SANBR: variants seen among roughly 807,000 people sequenced by gnomAD.
The protein encoded by SANBR is SANT and BTB domain regulator of class switch recombination.
Under a neutral mutation model 101.8 loss-of-function variants are expected in SANBR, and 77 were observed. The ratio of observed to expected loss-of-function variants is 0.76; its 90% CI spans 0.63 to 0.91. The LOEUF (loss-of-function observed/expected upper bound fraction) is 0.91. Among genes scored for constraint, SANBR ranks in the 40% least tolerant of loss-of-function variants. The pLI is 0.00. For synonymous variants in SANBR, 279 were observed against 274.7 expected (o/e 1.02, Z -0.15); for missense variants, 875 against 853.0 (o/e 1.03, Z -0.32).
Position 61,123,050 on chromosome 2 carries a change from G to T in SANBR, c.*888G>T, listed in dbSNP as rs998865565. The T allele has an allele frequency of 4.1e-6, 4 of 974,342 alleles. No individual in the cohort carries two copies. Among genetic ancestry groups the T allele is most frequent in the African/African-American group, 1.8e-5 (1 of 56,978 alleles). The allele number at this position is 974,342 out of a possible 1,614,324, so 60.4% of individuals were successfully genotyped here. On this transcript the variant is annotated 3_prime_UTR_variant, in exon 22 of 22. Coordinates refer to ENST00000402291, the MANE Select transcript of SANBR (RefSeq NM_001129993.3). ...GGTCTAAAATTTTCCAAATACATTA[G>T]ATAGGTGAAAATTTGCATATATTCA... is the stretch of plus-strand genomic sequence containing the variant.
chr2:61,088,884 G>A, intron 10 of SANBR: 1 of 926,658 alleles, frequency 1.1e-6, no homozygotes, highest in African/African-American at 1.8e-5. Context: ...ATAAGGAATG[G>A]GATAACATCT....
downstream of SANBR, among the ~76,000 whole-genome samples, chr2:61,124,519 G>A (rs1289588845): frequency 2.0e-5 from 3 of 151,880 alleles, no homozygotes; most frequent in Admixed American, 2.0e-4. Flanking sequence ...GGGCAACATA[G>A]TGAGACCTCG....
chr2:61,108,365 C>T lies in SANBR; in HGVS notation c.1644+16C>T, dbSNP rs893728214. 2.6e-6 allele frequency: 4 copies of T among 1,516,162 alleles called. No homozygotes were observed. Among genetic ancestry groups the T allele is most frequent in the Admixed American group, 3.8e-5 (2 of 53,118 alleles). The allele number at this position is 1,516,162 out of a possible 1,614,324, so 93.9% of individuals were successfully genotyped here. ...TCTACAACTGGTAAGTGAGCAATTA[C>T]AGTTAGCATTCATGGATCTCTTTCT... On this transcript the variant is annotated intron_variant, in intron 15 of 21. Coordinates refer to ENST00000402291, the MANE Select transcript of SANBR (RefSeq NM_001129993.3).
intron 13 of SANBR, among the ~76,000 whole-genome samples, chr2:61,105,197 A>G (rs543800426): frequency 6.6e-6 from 1 of 152,020 alleles, no homozygotes. Context: ...CCTGGCCAAC[A>G]TGGTGAAACC....
chr2:61,093,370 T>C (rs1382966369), intron 11 of SANBR: 1 of 152,110 alleles, frequency 6.6e-6, no homozygotes, highest in Non-Finnish European at 1.5e-5. Flanking sequence ...TTGAGGCAGG[T>C]GGATCACCTG....
intron 20 of SANBR, among the ~76,000 whole-genome samples, chr2:61,120,413 T>C (rs926307692): frequency 1.3e-5 from 2 of 152,054 alleles, no homozygotes; most frequent in Admixed American, 1.3e-4. Context: ...GGCAGGAGAA[T>C]CACTTGAACC....
At chr2:61,106,731 A>G in intron 14 of SANBR, 69 bp downstream of exon 14, 2 of 962,250 alleles carry the variant, frequency 2.1e-6, no homozygotes, top group Non-Finnish European at 3.1e-6. Context: ...TTTGACAGGA[A>G]CCTGATCAGT....
intron 6 of SANBR, among the ~76,000 whole-genome samples, chr2:61,079,472 A>G (rs955353998): frequency 2.0e-5 from 3 of 152,186 alleles, no homozygotes; most frequent in African/African-American, 7.2e-5. Context: ...TTTTTAAAAA[A>G]CTTAATAATT....
At chr2:61,096,655 C>T (rs1683046438) in intron 11 of SANBR, among the ~76,000 whole-genome samples, 1 of 152,026 alleles carries the variant, frequency 6.6e-6, no homozygotes, top group Admixed American at 6.6e-5. Context: ...TTTAAGCAGT[C>T]CTTCTGCCTC....
chr2:61,111,279 G>A (rs1683819108), intron 16 of SANBR, among the ~76,000 whole-genome samples: 1 of 152,178 alleles, frequency 6.6e-6, no homozygotes, highest in South Asian at 2.1e-4. Context: ...TGTAGTCCCA[G>A]CTACTCGGGA....
intron 7 of SANBR, among the ~76,000 whole-genome samples, chr2:61,081,794 G>A (rs928234496): frequency 2.6e-5 from 4 of 152,100 alleles, no homozygotes; most frequent in Non-Finnish European, 2.9e-5. Flanking sequence ...GACTACAGGC[G>A]CATGCCACTA....
At chr2:61,116,466 A>T (rs147087933) in intron 17 of SANBR, among the ~76,000 whole-genome samples, 1 of 152,268 alleles carries the variant, frequency 6.6e-6, no homozygotes, top group Non-Finnish European at 1.5e-5. Context: ...TTTTAAACCA[A>T]TATTATTTAT....
intron 20 of SANBR, among the ~76,000 whole-genome samples, chr2:61,129,767 T>C (rs2104988337): frequency 6.6e-6 from 1 of 152,166 alleles, no homozygotes; most frequent in South Asian, 2.1e-4. Flanking sequence ...AATATGTATT[T>C]ATAGGCTAAT....
intron 12 of SANBR, among the ~76,000 whole-genome samples, chr2:61,103,137 C>CTT (rs398060223): frequency 4.2e-4 from 57 of 134,946 alleles, no homozygotes; most frequent in Middle Eastern, 7.6e-3. Context: ...ATTTTTCTTT[C>CTT]TTTTTTTTTT....
rs185868252 is a variant in SANBR at position 61,135,098 on chromosome 2, G to A, written c.*44+822G>A. On this transcript the variant is annotated intron_variant, in intron 21 of 21. Coordinates refer to the SANBR transcript ENST00000295031. ...CCAGCTACTCAGGAAGCTGAAGCAC[G>A]AAAATCTCCTGAACTCGGGAAGGCG... Among the ~76,000 whole-genome samples, 70 of 152,308 alleles carry A rather than the reference G, an allele frequency of 4.6e-4. No individual in the cohort carries two copies. The East Asian group carries it at 0.012, about 26-fold the overall frequency.
At chr2:61,101,947 G>A (rs753302096) in intron 12 of SANBR, among the ~76,000 whole-genome samples, 10 of 151,216 alleles carry the variant, frequency 6.6e-5, no homozygotes, top group African/African-American at 9.7e-5. Flanking sequence ...CAGGAGAATC[G>A]CTTGAATCCA....
In SANBR at chr2:61,123,367, C is replaced by A. The variant is rs931257227; in HGVS notation, c.*1205C>A. The A allele has an allele frequency of 4.1e-6, 4 of 979,032 alleles. No individual in the cohort carries two copies. In the South Asian group the frequency reaches 1.9e-4, roughly 46 times the overall value. 60.6% of individuals were successfully genotyped at this position (979,032 alleles called of 1,614,324 possible). ...ATTGAAGTGTTACACTCAGTTTACA[C>A]GTACAGAAATCATTCTTTTTAGTGA... is the stretch of plus-strand genomic sequence containing the variant. On this transcript the variant is annotated 3_prime_UTR_variant, in exon 22 of 22. Transcript: ENST00000402291.
At chr2:61,121,344 A>C in intron 21 of SANBR, 68 bp downstream of exon 21, 1 of 998,206 alleles carries the variant, frequency 1.0e-6, no homozygotes, top group Non-Finnish European at 1.5e-6. Flanking sequence ...AAGATAAATC[A>C]TATGAACACT....
chr2:61,134,318 G>T (rs1029238028), intron 21 of SANBR: 2 of 1,511,086 alleles, frequency 1.3e-6, no homozygotes, highest in Non-Finnish European at 1.8e-6. Flanking sequence ...TAGACCACAT[G>T]AAAGACTTTT....
Sources: gnomAD v4.1 joint callset for allele counts (sites outside exome capture counted in the v4.1 genomes callset) on GRCh38, gnomAD v4.1.1 for gene constraint, MANE v1.5 for transcripts, NCBI Gene and HGNC (gene_info 2026-07-23, HGNC 2026-07-21) for gene names.